MND1: variants seen among roughly 807,000 people sequenced by gnomAD.
The protein encoded by MND1 is meiotic nuclear division protein 1 homolog.
Under a neutral mutation model 35.1 loss-of-function variants are expected in MND1, and 28 were observed. The ratio of observed to expected loss-of-function variants is 0.80; its 90% CI spans 0.59 to 1.09. The LOEUF (loss-of-function observed/expected upper bound fraction) is 1.09. MND1 is among the 50% of genes least tolerant of loss of function. The pLI, the probability that MND1 is intolerant of heterozygous loss-of-function variation, is 0.00. For missense variants in MND1, 213 were observed against 239.6 expected, an observed-to-expected ratio of 0.89 and a Z score of 0.73; for synonymous variants, 69 against 70.5, an observed-to-expected ratio of 0.98 and a Z score of 0.11.
intron 4 of MND1, among the ~76,000 whole-genome samples, chr4:153,359,907 C>G (rs1773439538): frequency 6.6e-6 from 1 of 151,534 alleles, no homozygotes; most frequent in Non-Finnish European, 1.5e-5. Flanking sequence ...CCTGCCTCAG[C>G]CTTCCAAGTA....
chr4:153,355,619 C>T (rs79519239), intron 2 of MND1, 35 bp from the exon 3 acceptor site: 141,474 of 1,343,034 alleles, frequency 0.11, 8,617 homozygotes, highest in South Asian at 0.2. Context: ...AAAATAAACA[C>T]GTGCTTTTCA....
At chr4:153,345,316 T>G in intron 1 of MND1, 1 of 985,336 alleles carries the variant, frequency 1.0e-6, no homozygotes, top group Non-Finnish European at 1.2e-6. Context: ...CTGCTCAGTT[T>G]CGAGTTACCT....
chr4:153,406,805 C>G (rs892208787), intron 6 of MND1, among the ~76,000 whole-genome samples: 2 of 152,172 alleles, frequency 1.3e-5, no homozygotes, highest in African/African-American at 2.4e-5. Context: ...TTTCACACTG[C>G]TAATAAAGAC....
intron 7 of MND1, among the ~76,000 whole-genome samples, chr4:153,413,727 C>T (rs1729755471): frequency 6.6e-6 from 1 of 151,908 alleles, no homozygotes; most frequent in South Asian, 2.1e-4. Flanking sequence ...GTTCCTCCCA[C>T]CCTCCCCAGT....
chr4:153,391,749 C>CACACACACACACACACACAT (rs1169686789), intron 4 of MND1, among the ~76,000 whole-genome samples: 53 of 151,642 alleles, frequency 3.5e-4, no homozygotes, highest in African/African-American at 9.9e-4. Flanking sequence ...CACACACACA[C>CACACACACACACACACACAT]ATACATACAT....
intron 4 of MND1, chr4:153,381,677 T>TTA (rs1404172086): frequency 5.2e-5 from 1 of 19,078 alleles, no homozygotes; most frequent in Non-Finnish European, 1.1e-4. Context: ...AATATATATA[T>TTA]ATATATATAT....
chr4:153,357,188 C>A (rs1294619066), intron 3 of MND1, among the ~76,000 whole-genome samples: 1 of 152,124 alleles, frequency 6.6e-6, no homozygotes, highest in Admixed American at 6.6e-5. Flanking sequence ...GAAAAAACCT[C>A]TTTTATTATG....
At chr4:153,389,736 A>G (rs1287167470) in intron 4 of MND1, among the ~76,000 whole-genome samples, 1 of 152,214 alleles carries the variant, frequency 6.6e-6, no homozygotes, top group Non-Finnish European at 1.5e-5. Flanking sequence ...TTTAAAGACA[A>G]ACATTAAGAT....
At chr4:153,401,700 G>GC (rs980757290) in intron 6 of MND1, among the ~76,000 whole-genome samples, 1 of 152,012 alleles carries the variant, frequency 6.6e-6, no homozygotes, top group Non-Finnish European at 1.5e-5. Context: ...CATGGCTATT[G>GC]CCCCCCATAT....
chr4:153,375,022 T>C (rs1728461288), intron 4 of MND1, among the ~76,000 whole-genome samples: 2 of 152,196 alleles, frequency 1.3e-5, no homozygotes, highest in South Asian at 4.1e-4. Flanking sequence ...ATTCCTGATA[T>C]AGTTAATTAA....
intron 4 of MND1, among the ~76,000 whole-genome samples, chr4:153,390,919 A>ATGTATGTGTGTGTGTGTG (rs1554012262): frequency 4.0e-5 from 5 of 124,644 alleles, no homozygotes; most frequent in East Asian, 2.4e-4. Flanking sequence ...GTGTGTGTAT[A>ATGTATGTGTGTGTGTGTG]TGTGTGTGTG....
intron 3 of MND1, among the ~76,000 whole-genome samples, chr4:153,356,783 T>C (rs1046170338): frequency 4.6e-5 from 7 of 151,882 alleles, no homozygotes; most frequent in African/African-American, 1.7e-4. Flanking sequence ...CATGCATATT[T>C]TATTTTATTT....
At chr4:153,354,106 C>T (rs1391591118) in intron 2 of MND1, among the ~76,000 whole-genome samples, 1 of 152,048 alleles carries the variant, frequency 6.6e-6, no homozygotes, top group East Asian at 1.9e-4. Flanking sequence ...CCACTTCAAC[C>T]AAGGCTTATT....
At chr4:153,391,727 T>TACACACACACACACACACACAC (rs71598272) in intron 4 of MND1, among the ~76,000 whole-genome samples, 6,174 of 142,174 alleles carry the variant, frequency 0.043, 177 homozygotes, top group South Asian at 0.061. Context: ...AACTCCATCA[T>TACACACACACACACACACACAC]ACACACACAC....
At chr4:153,395,723 A>C (rs1326815717) in intron 5 of MND1, among the ~76,000 whole-genome samples, 1 of 152,228 alleles carries the variant, frequency 6.6e-6, no homozygotes, top group African/African-American at 2.4e-5. Flanking sequence ...TTTGCTTTCA[A>C]GGAACTGGAG....
At chr4:153,390,691 TA>T (rs1313140710) in intron 4 of MND1, among the ~76,000 whole-genome samples, 1 of 151,760 alleles carries the variant, frequency 6.6e-6, no homozygotes, top group Non-Finnish European at 1.5e-5. Context: ...ACAAAAAAAA[TA>T]CAAAAATTAG....
intron 3 of MND1, among the ~76,000 whole-genome samples, chr4:153,356,506 T>A (rs1274480568): frequency 7.7e-6 from 1 of 129,450 alleles, no homozygotes; most frequent in African/African-American, 2.9e-5. Context: ...TGAGCCGAGA[T>A]CGCGCCACTG....
intron 4 of MND1, among the ~76,000 whole-genome samples, chr4:153,360,392 C>T (rs1414671035): frequency 6.6e-6 from 1 of 151,876 alleles, no homozygotes; most frequent in Admixed American, 6.6e-5. Context: ...TAGTCGTGGC[C>T]AAATCCAGGG....
chr4:153,362,586 A>G (rs972436760), intron 4 of MND1, among the ~76,000 whole-genome samples: 3 of 152,214 alleles, frequency 2.0e-5, no homozygotes, highest in African/African-American at 7.2e-5. Flanking sequence ...AGTCTCAGGT[A>G]TTTATAGCCA....
Sources: gnomAD v4.1 joint callset for allele counts (sites outside exome capture counted in the v4.1 genomes callset) on GRCh38, gnomAD v4.1.1 for gene constraint, MANE v1.5 for transcripts, NCBI Gene and HGNC (gene_info 2026-07-23, HGNC 2026-07-21) for gene names.